Variants in ATG16L2 observed in about 807,000 individuals in gnomAD.
ATG16L2 encodes the protein autophagy related 16 like 2, also known as protein Atg16l2.
A neutral mutation model predicts 84.7 loss-of-function variants in ATG16L2; 77 were observed. The observed-to-expected ratio is 0.91, with a 90% confidence interval of 0.76 to 1.10. The LOEUF (loss-of-function observed/expected upper bound fraction) is 1.10. Ranked by LOEUF, ATG16L2 falls within the 50% of genes least tolerant of loss-of-function variation. The pLI, the probability that ATG16L2 is intolerant of heterozygous loss-of-function variation, is 0.00. For missense variants in ATG16L2, 782 were observed against 817.6 expected, an observed-to-expected ratio of 0.96 and a Z score of 0.53; for synonymous variants, 361 against 342.8, an observed-to-expected ratio of 1.05 and a Z score of -0.59.
exon 6 of ATG16L2, chr11:72,843,266 C>T (rs535579271): frequency 1.9e-6 from 3 of 1,613,918 alleles, no homozygotes; most frequent in Admixed American, 1.7e-5. Flanking sequence ...GGAGGCTGTT[C>T]GAGGTGGGAA....
chr11:72,827,661 A>C (rs3862795), intron 14 of ATG16L2, among the ~76,000 whole-genome samples: 1 of 152,246 alleles, frequency 6.6e-6, no homozygotes, highest in Non-Finnish European at 1.5e-5. Flanking sequence ...GCTAGAGGCC[A>C]GGCGTGGTGG....
chr11:72,822,079 G>C lies in ATG16L2; in HGVS notation c.428G>C (p.Arg143Pro), dbSNP rs751388517. ...AALEARVAQLREARAQQAQQV... is the reference protein window; with the variant it reads ...AALEARVAQLPEARAQQAQQV... ...CTGGAGGCCCGCGTGGCGCAGCTGC[G>C]AGAGGCGCGGGCGCAGCAGGCCCAG... The change falls in exon 5 of 18, where the codon CGA becomes CCA. Residue 143 changes from arginine (R) to proline (P), a missense_variant. Coordinates refer to ENST00000321297, the MANE Select transcript of ATG16L2 (RefSeq NM_033388.2). This position sits in a 1 kb window ranked among gnomAD's most constrained non-coding sequence, Gnocchi z 4.2. The C allele has an allele frequency of 1.9e-6, 3 of 1,539,490 alleles. No individual in the cohort carries two copies. Among genetic ancestry groups the C allele is most frequent in the East Asian group, 4.8e-5 (2 of 41,724 alleles).
Position 72,817,798 on chromosome 11 carries a change from C to T in ATG16L2, c.261C>T (p.Val87=), listed in dbSNP as rs757571634. The T allele has an allele frequency of 8.1e-6, 13 of 1,613,462 alleles. No homozygotes were observed. The highest frequency in any genetic ancestry group is 1.6e-4 in the Middle Eastern group (1 of 6,062). The change falls in exon 3 of 18, where the codon GTC becomes GTT. Residue 87 remains valine, a synonymous_variant. Coordinates refer to ENST00000321297, the MANE Select transcript of ATG16L2 (RefSeq NM_033388.2). ...ACTCAGACCAAGTCCCATCACTGGT[C>T]GCACTGAGGGTGAAGTGGCAGGAGG... is the stretch of plus-strand genomic sequence containing the variant. ...ELDSDQVPSL[V]ALRVKWQEEE...
intron 11 of ATG16L2, 84 bp downstream of exon 11, chr11:72,826,327 C>A: frequency 6.7e-7 from 1 of 1,485,732 alleles, no homozygotes; most frequent in Non-Finnish European, 9.3e-7. Flanking sequence ...GACCTGAGGG[C>A]GCAACATGGA....
At chr11:72,831,722 G>A (rs750502982), downstream of ATG16L2, among the ~76,000 whole-genome samples, 21 of 152,094 alleles carry the variant, frequency 1.4e-4, no homozygotes, top group Admixed American at 3.3e-4. Flanking sequence ...TGTAGCCACC[G>A]TGACTGAGCC....
chr11:72,817,747 G>A lies in ATG16L2; in HGVS notation c.219-9G>A. On this transcript the variant is annotated splice_polypyrimidine_tract_variant and intron_variant, in intron 2 of 17. Transcript: ENST00000321297. ...GGGGACATTGAGCACCACTCTGATT[G>A]GTTGGCAGGGAGGAGTCAGAGCTTG... is the stretch of plus-strand genomic sequence containing the variant. The A allele has an allele frequency of 1.2e-6, 2 of 1,613,428 alleles. No individual in the cohort carries two copies. The highest frequency in any genetic ancestry group is 1.7e-6 in the Non-Finnish European group (2 of 1,179,786).
chr11:72,840,304 A>C (rs1860877333), intron 5 of ATG16L2, among the ~76,000 whole-genome samples: 1 of 152,240 alleles, frequency 6.6e-6, no homozygotes. Flanking sequence ...CCAGTGGTAA[A>C]GGAATGGTAT....
chr11:72,831,012 A>G (rs1277054803), downstream of ATG16L2, among the ~76,000 whole-genome samples: 1 of 152,046 alleles, frequency 6.6e-6, no homozygotes, highest in Non-Finnish European at 1.5e-5. Flanking sequence ...CCCCCAGTTC[A>G]AATTTTTCTT....
chr11:72,827,964 A>G (rs1044306658), intron 14 of ATG16L2, among the ~76,000 whole-genome samples: 2 of 152,154 alleles, frequency 1.3e-5, no homozygotes, highest in African/African-American at 4.8e-5. Context: ...AAAACAAAAC[A>G]AAACAAAAAA....
rs577795525 is a variant in ATG16L2, at chr11:72,822,420, G to A, written c.645-58G>A. 2.5e-6 allele frequency: 4 copies of A among 1,610,032 alleles called. No homozygotes were observed. Among genetic ancestry groups the A allele is most frequent in the Non-Finnish European group, 3.4e-6 (4 of 1,178,178 alleles). The stretch of plus-strand genomic sequence containing the variant: ...CCCCTGGAGGAAGGGACCGGGTCTA[G>A]CCCCGCCTGCGTGCGAGGCGCCGCG... On this transcript the variant is annotated intron_variant, in intron 5 of 17. Transcript: ENST00000321297. This position sits in a 1 kb window ranked among gnomAD's most constrained non-coding sequence, Gnocchi z 4.2.
At chr11:72,831,550 G>A (rs1266589489), downstream of ATG16L2, among the ~76,000 whole-genome samples, 3 of 152,146 alleles carry the variant, frequency 2.0e-5, no homozygotes, top group Non-Finnish European at 2.9e-5. Context: ...CCAGTCTAAC[G>A]GTCTAAGAGC....
intron 5 of ATG16L2, chr11:72,837,476 AAAAC>A (rs878963184): frequency 6.6e-5 from 10 of 152,148 alleles, no homozygotes; most frequent in South Asian, 6.2e-4. Flanking sequence ...AAAAAAAAAA[AAAAC>A]AAACCACAAC....
chr11:72,839,847 A>G (rs1675457721), intron 5 of ATG16L2, among the ~76,000 whole-genome samples: 1 of 152,170 alleles, frequency 6.6e-6, no homozygotes, highest in African/African-American at 2.4e-5. Context: ...GTGGAAGTAG[A>G]TGAGGTCATT....
intron 5 of ATG16L2, among the ~76,000 whole-genome samples, chr11:72,841,747 G>A (rs1470313198): frequency 6.6e-6 from 1 of 152,110 alleles, no homozygotes; most frequent in Non-Finnish European, 1.5e-5. Context: ...ACCACCTCAA[G>A]CTCCAATTTT....
intron 3 of ATG16L2, chr11:72,821,206 G>GGTC: frequency 1.0e-6 from 1 of 988,178 alleles, no homozygotes; most frequent in South Asian, 4.5e-5. Flanking sequence ...AAGTGAGAGT[G>GGTC]GCAGTACCAG....
downstream of ATG16L2, among the ~76,000 whole-genome samples, chr11:72,831,146 T>C (rs1452209213): frequency 2.0e-5 from 3 of 152,238 alleles, no homozygotes; most frequent in Admixed American, 6.5e-5. Flanking sequence ...AGGATGGGAA[T>C]AGATTATTTC....
rs762160006 is a variant in ATG16L2, at chr11:72,827,231, G to A, written c.1410G>A (p.Val470=). Residue 470 remains valine, a synonymous_variant, in exon 14 of 18, where the codon GTG becomes GTA. Coordinates refer to ENST00000321297, the MANE Select transcript of ATG16L2 (RefSeq NM_033388.2). ...TCCTTTCCTACTGTAATGACGTGGT[G>A]TGTGGGGACCATATCATCATTAGTG... is the stretch of plus-strand genomic sequence containing the variant. ...INVLSYCNDV[V]CGDHIIISGH... 61 of 1,614,056 alleles carry A rather than the reference G, an allele frequency of 3.8e-5. No homozygotes were observed. The highest frequency in any genetic ancestry group is 4.7e-5 in the Non-Finnish European group (56 of 1,180,032).
At chr11:72,819,289 C>CG (rs1029650370) in intron 3 of ATG16L2, among the ~76,000 whole-genome samples, 32 of 152,140 alleles carry the variant, frequency 2.1e-4, no homozygotes, top group Non-Finnish European at 3.5e-4. Context: ...CCATCAATGT[C>CG]TCTCTGTTTC....
intron 7 of ATG16L2, chr11:72,823,834 T>C (rs1213785383): frequency 1.5e-6 from 1 of 682,966 alleles, no homozygotes; most frequent in African/African-American, 1.8e-5. Context: ...CTTCCCATCA[T>C]GAGGGAGACC....
Sources: allele counts gnomAD v4.1 joint callset (sites outside exome capture counted in the v4.1 genomes callset), GRCh38; gene constraint gnomAD v4.1.1; non-coding constraint Gnocchi (gnomAD v3.1); transcripts MANE v1.5; gene names NCBI Gene and HGNC (gene_info 2026-07-23, HGNC 2026-07-21).